GPC5: variants seen among roughly 807,000 people sequenced by gnomAD.
GPC5 encodes glypican 5.
Under a neutral mutation model 53.9 loss-of-function variants are expected in GPC5, and 47 were observed. The observed-to-expected ratio is 0.87, with a 90% confidence interval of 0.69 to 1.11. GPC5 has a LOEUF of 1.11. Among genes scored for constraint, GPC5 ranks in the 50% most tolerant of loss-of-function variants. The probability of loss-of-function intolerance (pLI) is 0.00; values close to 1 mark genes in which losing one functional copy is unlikely to be tolerated. For missense variants in GPC5, 748 were observed against 713.1 expected (o/e 1.05, Z -0.56); for synonymous variants, 286 against 263.3 (o/e 1.09, Z -0.84).
At chr13:91,819,180 G>C (rs891575059) in intron 5 of GPC5, among the ~76,000 whole-genome samples, 3 of 80,914 alleles carry the variant, frequency 3.7e-5, no homozygotes, top group African/African-American at 1.5e-4. Context: ...TTTTTTTTGA[G>C]ATGGAGTCTC....
intron 6 of GPC5, among the ~76,000 whole-genome samples, chr13:91,954,612 GA>G (rs1480518351): frequency 5.9e-5 from 9 of 151,894 alleles, no homozygotes; most frequent in African/African-American, 1.9e-4. Context: ...TTTCTAAAAA[GA>G]AAATCCATGA....
At chr13:92,176,250 C>A (rs969472206) in intron 7 of GPC5, among the ~76,000 whole-genome samples, 2 of 152,192 alleles carry the variant, frequency 1.3e-5, no homozygotes, top group African/African-American at 4.8e-5. Context: ...CCAGAGACTA[C>A]ACCTTAAGGA....
intron 7 of GPC5, among the ~76,000 whole-genome samples, chr13:92,424,823 C>T (rs1566584707): frequency 6.6e-6 from 1 of 151,894 alleles, no homozygotes; most frequent in Non-Finnish European, 1.5e-5. Context: ...TTCATTCATT[C>T]ATTCATTCAT....
intron 6 of GPC5, among the ~76,000 whole-genome samples, chr13:92,107,756 G>C (rs796120195): frequency 9.2e-5 from 14 of 152,244 alleles, no homozygotes; most frequent in African/African-American, 3.1e-4. Context: ...GCACTGTACA[G>C]AATAAAATGT....
intron 2 of GPC5, among the ~76,000 whole-genome samples, chr13:91,548,545 G>A (rs1207347372): frequency 1.3e-5 from 2 of 152,162 alleles, no homozygotes; most frequent in Admixed American, 6.5e-5. Flanking sequence ...AATTCAGCCT[G>A]TAGATTCAAT....
At chr13:91,719,430 C>G (rs1377388143) in intron 3 of GPC5, among the ~76,000 whole-genome samples, 2 of 152,200 alleles carry the variant, frequency 1.3e-5, no homozygotes, top group African/African-American at 4.8e-5. Flanking sequence ...GATCATTATT[C>G]CAACCTGTGT....
In GPC5 at chr13:92,239,002, T is replaced by A. The variant is rs574465140; in HGVS notation, c.1561+94013T>A. ...AGAACCATTTGCTGACAAGATTATT[T>A]TTTTTTTCATGGAATTATCTTAGCA... On this transcript the variant is annotated intron_variant, in intron 7 of 7. Transcript: ENST00000377067. 5.9e-5 allele frequency among the ~76,000 whole-genome samples: 9 copies of A among 152,074 alleles called. No homozygotes were observed. The East Asian group carries it at 1.4e-3, about 23-fold the overall frequency.
At chr13:92,291,080 C>T (rs118008592) in intron 7 of GPC5, among the ~76,000 whole-genome samples, 2,056 of 152,236 alleles carry the variant, frequency 0.014, 25 homozygotes, top group Non-Finnish European at 0.024. Context: ...GCTGCCTTTC[C>T]GCTAGGCAGG....
intron 1 of GPC5, among the ~76,000 whole-genome samples, chr13:91,407,416 G>C (rs551089592): frequency 6.6e-6 from 1 of 152,156 alleles, no homozygotes; most frequent in Admixed American, 6.5e-5. Context: ...AACATCTAAA[G>C]GATTAATTTG....
chr13:91,813,704 C>A (rs2038351351), intron 5 of GPC5, among the ~76,000 whole-genome samples: 1 of 152,000 alleles, frequency 6.6e-6, no homozygotes, highest in Admixed American at 6.6e-5. Flanking sequence ...TCAAATTTCT[C>A]CCAGTATCTA....
chr13:91,558,718 C>T (rs915444988), intron 2 of GPC5, among the ~76,000 whole-genome samples: 4 of 151,996 alleles, frequency 2.6e-5, no homozygotes, highest in Admixed American at 6.6e-5. Context: ...AGACTGTTGC[C>T]GTCCTCAGTG....
intron 7 of GPC5, among the ~76,000 whole-genome samples, chr13:92,257,561 T>TTTTTTTTTTTTTTTTTG (rs2042736138): frequency 7.3e-6 from 1 of 136,454 alleles, no homozygotes; most frequent in African/African-American, 3.0e-5. Context: ...TTTTTTTTTT[T>TTTTTTTTTTTTTTTTTG]TTTTTTGGGG....
intron 7 of GPC5, among the ~76,000 whole-genome samples, chr13:92,644,542 A>G (rs1885702473): frequency 6.6e-6 from 1 of 152,178 alleles, no homozygotes; most frequent in Non-Finnish European, 1.5e-5. Flanking sequence ...TAGTTATGCA[A>G]ATGTTCAGGA....
At chr13:92,787,128 G>A (rs1876266202) in intron 7 of GPC5, among the ~76,000 whole-genome samples, 1 of 152,078 alleles carries the variant, frequency 6.6e-6, no homozygotes, top group Non-Finnish European at 1.5e-5. Context: ...ATGAACTCAA[G>A]ATAGGTCCAC....
At chr13:91,929,512 G>A (rs538029911) in intron 6 of GPC5, among the ~76,000 whole-genome samples, 1 of 152,120 alleles carries the variant, frequency 6.6e-6, no homozygotes, top group Non-Finnish European at 1.5e-5. Flanking sequence ...TAAACTTTTA[G>A]CAGACTCTTT....
chr13:91,991,169 T>A (rs2138734748), intron 6 of GPC5, among the ~76,000 whole-genome samples: 1 of 152,336 alleles, frequency 6.6e-6, no homozygotes, highest in East Asian at 1.9e-4. Flanking sequence ...ACTTGCTATT[T>A]ACCTCATAGA....
chr13:92,828,608 G>A lies in GPC5; in HGVS notation c.1562-37674G>A, dbSNP rs183713266. Among the ~76,000 whole-genome samples, 5 of 152,170 alleles carry A rather than the reference G, an allele frequency of 3.3e-5. No homozygotes were observed. The East Asian group carries it at 5.8e-4, about 18-fold the overall frequency. Reference sequence around the variant, plus strand: ...GCTGAAGATCATTGAATGCCACCCCGGACCTCCTGGACCTCCATTTGTCTT... The same window carrying A: ...GCTGAAGATCATTGAATGCCACCCCAGACCTCCTGGACCTCCATTTGTCTT... On this transcript the variant is annotated intron_variant, in intron 7 of 7. Coordinates refer to ENST00000377067, the MANE Select transcript of GPC5 (RefSeq NM_004466.6).
At chr13:91,518,774 C>T (rs1442668040) in intron 2 of GPC5, among the ~76,000 whole-genome samples, 2 of 152,158 alleles carry the variant, frequency 1.3e-5, no homozygotes, top group Non-Finnish European at 2.9e-5. Context: ...AGGATGGACT[C>T]GATCTCCTGA....
intron 6 of GPC5, among the ~76,000 whole-genome samples, chr13:92,122,766 T>TA (rs2041661196): frequency 9.5e-6 from 1 of 105,432 alleles, no homozygotes; most frequent in Non-Finnish European, 2.0e-5. Context: ...TTTTTTTTTT[T>TA]TAACATTTTT....
Sources: allele counts gnomAD v4.1 joint callset (sites outside exome capture counted in the v4.1 genomes callset), GRCh38; gene constraint gnomAD v4.1.1; transcripts MANE v1.5; gene names NCBI Gene and HGNC (gene_info 2026-07-23, HGNC 2026-07-21).